TARBP1: variants seen among roughly 807,000 people sequenced by gnomAD.
The protein encoded by TARBP1 is tRNA guanosine 2 -O-methyltransferase TARBP1, also known as tRNA (guanosine(18)-2'-O)-methyltransferase TARBP1.
In TARBP1, 144 loss-of-function variants were observed where a neutral mutation model predicts 178.6. That is an observed-to-expected ratio of 0.81 (90% confidence interval 0.70 to 0.93). TARBP1 has a LOEUF of 0.93. Ranked by LOEUF, TARBP1 falls within the 40% of genes least tolerant of loss-of-function variation. TARBP1 has a pLI of 0.00. For synonymous variants in TARBP1, 787 were observed against 781.0 expected (o/e 1.01, Z -0.13); for missense variants, 2,067 against 2,011.7 (o/e 1.03, Z -0.53).
At chr1:234,416,405 T>G (rs1048985616) in intron 22 of TARBP1, among the ~76,000 whole-genome samples, 39 of 152,120 alleles carry the variant, frequency 2.6e-4, no homozygotes, top group African/African-American at 8.7e-4. Flanking sequence ...CAAGCTATTC[T>G]CCTGCCTCAG....
intron 10 of TARBP1, among the ~76,000 whole-genome samples, chr1:234,449,975 TC>T (rs1666575328): frequency 2.0e-5 from 3 of 152,182 alleles, no homozygotes; most frequent in Admixed American, 1.3e-4. Flanking sequence ...AACAAAACTA[TC>T]CTTTTAAACA....
chr1:234,409,743 G>T (rs1274055340), intron 23 of TARBP1, among the ~76,000 whole-genome samples: 2 of 152,074 alleles, frequency 1.3e-5, no homozygotes, highest in African/African-American at 4.8e-5. Context: ...TATTTTTATG[G>T]TACTTTCAAC....
Position 234,391,362 on chromosome 1 carries a change from T to A in TARBP1, c.*215A>T, listed in dbSNP as rs538602568. On this transcript the variant is annotated 3_prime_UTR_variant, in exon 30 of 30. Coordinates refer to ENST00000040877, the MANE Select transcript of TARBP1 (RefSeq NM_005646.4). ...TTATTTCCACAATTGCTTAAAATAT[T>A]TTATTAAAGGAAGAATACAATTTAA... The A allele has an allele frequency of 2.4e-6, 1 of 415,570 alleles. No individual in the cohort carries two copies. Among genetic ancestry groups the A allele is most frequent in the Admixed American group, 4.1e-5 (1 of 24,202 alleles). 25.7% of individuals were successfully genotyped at this position (415,570 alleles called of 1,614,324 possible).
intron 11 of TARBP1, 60 bp from the exon 12 acceptor site, chr1:234,447,035 C>T (rs1666250365): frequency 3.2e-6 from 5 of 1,583,808 alleles, no homozygotes; most frequent in Middle Eastern, 1.7e-4. Context: ...AATTGCTTCC[C>T]ACCTATAATT....
chr1:234,472,952 T>G (rs942935346), intron 1 of TARBP1, 141 bp from the exon 2 acceptor site: 3 of 693,344 alleles, frequency 4.3e-6, no homozygotes, highest in East Asian at 2.8e-5. Flanking sequence ...AGAGCCTGGA[T>G]AGGGGGCTTG....
In TARBP1 at chr1:234,479,130, G is replaced by A. The variant is rs758592536; in HGVS notation, c.-27C>T. 3.3e-6 allele frequency: 5 copies of A among 1,508,494 alleles called. No individual in the cohort carries two copies. In the African/African-American group the frequency reaches 4.3e-5, roughly 13 times the overall value. 93.4% of individuals were successfully genotyped at this position (1,508,494 alleles called of 1,614,324 possible). On this transcript the variant is annotated 5_prime_UTR_variant, in exon 1 of 30. Coordinates refer to ENST00000040877, the MANE Select transcript of TARBP1 (RefSeq NM_005646.4). Reference sequence around the variant, plus strand: ...TGCCGAGCGCCCGCGCCACCGGCCCGGGCTCCCAAAGGAAGGCGCCGGCGT... The same window carrying A: ...TGCCGAGCGCCCGCGCCACCGGCCCAGGCTCCCAAAGGAAGGCGCCGGCGT...
At chr1:234,466,567 A>AAGAAG (rs113269220) in intron 4 of TARBP1, among the ~76,000 whole-genome samples, 2 of 150,956 alleles carry the variant, frequency 1.3e-5, no homozygotes, top group South Asian at 2.1e-4. Flanking sequence ...TTCTTTTAAA[A>AAGAAG]AAGAAGAAGA....
intron 22 of TARBP1, among the ~76,000 whole-genome samples, chr1:234,414,911 G>T (rs1242249187): frequency 6.6e-6 from 1 of 152,124 alleles, no homozygotes; most frequent in Non-Finnish European, 1.5e-5. Context: ...TTAAAGCTGG[G>T]AGGCGGAGGT....
intron 20 of TARBP1, among the ~76,000 whole-genome samples, chr1:234,424,066 C>A (rs1305214908): frequency 6.6e-6 from 1 of 152,148 alleles, no homozygotes; most frequent in Non-Finnish European, 1.5e-5. Flanking sequence ...GGAATTGTTG[C>A]ATAAAAAATA....
chr1:234,450,691 T>G (rs1666658663), intron 9 of TARBP1, 125 bp from the exon 10 acceptor site: 1 of 1,086,304 alleles, frequency 9.2e-7, no homozygotes, highest in African/African-American at 1.6e-5. Flanking sequence ...TACAAAGTAA[T>G]AAACCATTTA....
intron 14 of TARBP1, among the ~76,000 whole-genome samples, chr1:234,432,955 T>C (rs896073335): frequency 4.1e-4 from 62 of 152,294 alleles, no homozygotes; most frequent in African/African-American, 1.4e-3. Context: ...CTCTTATATG[T>C]TTAATATTAT....
intron 19 of TARBP1, among the ~76,000 whole-genome samples, chr1:234,426,570 TATG>T (rs1663800517): frequency 6.6e-6 from 1 of 152,228 alleles, no homozygotes; most frequent in Non-Finnish European, 1.5e-5. Flanking sequence ...ATAAATACTT[TATG>T]ATAACTAAAT....
rs972073068 is a variant in TARBP1 at position 234,440,050 on chromosome 1, C to A, written c.2135-2678G>T. On this transcript the variant is annotated intron_variant, in intron 12 of 29. Coordinates refer to ENST00000040877, the MANE Select transcript of TARBP1 (RefSeq NM_005646.4). The stretch of plus-strand genomic sequence containing the variant: ...AAATCATATGATATATGCTCTGCGA[C>A]CACAATGTAATTAAATTAGAAAGCA... Among the ~76,000 whole-genome samples, 7 of 152,170 alleles carry A rather than the reference C, an allele frequency of 4.6e-5. No homozygotes were observed. The East Asian group carries it at 1.2e-3, about 25-fold the overall frequency.
intron 8 of TARBP1, 77 bp downstream of exon 8, chr1:234,459,153 C>G: frequency 9.7e-7 from 1 of 1,034,024 alleles, no homozygotes; most frequent in Non-Finnish European, 1.4e-6. Context: ...TATCACAGGT[C>G]TGCTATGTTA....
At chr1:234,427,974 A>G (rs974729990) in intron 17 of TARBP1, among the ~76,000 whole-genome samples, 1 of 152,238 alleles carries the variant, frequency 6.6e-6, no homozygotes, top group African/African-American at 2.4e-5. Context: ...TTTTACTGAT[A>G]GTGATATTCA....
intron 26 of TARBP1, among the ~76,000 whole-genome samples, chr1:234,395,423 A>T (rs908942126): frequency 1.3e-5 from 2 of 152,208 alleles, no homozygotes; most frequent in African/African-American, 4.8e-5. Context: ...AAGAGGGGCT[A>T]AAGAAGAGGA....
At chr1:234,417,780 C>G (rs747590574) in intron 22 of TARBP1, among the ~76,000 whole-genome samples, 3 of 152,030 alleles carry the variant, frequency 2.0e-5, no homozygotes, top group African/African-American at 4.8e-5. Flanking sequence ...TAAGATCAAA[C>G]AAAGACATTG....
At chr1:234,417,237 G>C (rs1319430963) in intron 22 of TARBP1, among the ~76,000 whole-genome samples, 1 of 152,184 alleles carries the variant, frequency 6.6e-6, no homozygotes, top group Non-Finnish European at 1.5e-5. Context: ...AGTAAAGAAA[G>C]GAAGACACTG....
In TARBP1 at chr1:234,419,238, T is replaced by A. The variant is rs191391305; in HGVS notation, c.3556-1005A>T. 4.8e-3 allele frequency among the ~76,000 whole-genome samples: 738 copies of A among 152,270 alleles called. 6 individuals carry two copies. Among genetic ancestry groups the A allele is most frequent in the African/African-American group, 0.017 (695 of 41,576 alleles). On this transcript the variant is annotated intron_variant, in intron 21 of 29. Coordinates refer to ENST00000040877, the MANE Select transcript of TARBP1 (RefSeq NM_005646.4). ...GTAATATGTATTATGTACGTCTTTA[T>A]TTTAAAGAAGAAAAATCTATCTTAC...
Sources: gnomAD v4.1 joint callset for allele counts (sites outside exome capture counted in the v4.1 genomes callset) on GRCh38, gnomAD v4.1.1 for gene constraint, MANE v1.5 for transcripts, NCBI Gene and HGNC (gene_info 2026-07-23, HGNC 2026-07-21) for gene names.